CCL28: variants seen among roughly 807,000 people sequenced by gnomAD.
CCL28 encodes the protein C-C motif chemokine ligand 28, also known as C-C motif chemokine 28.
Under a neutral mutation model 7.1 loss-of-function variants are expected in CCL28, and 4 were observed. The observed-to-expected ratio is 0.56, with a 90% confidence interval of 0.28 to 1.29. The LOEUF is 1.29. CCL28 is among the 50% of genes most tolerant of loss of function. CCL28 has a pLI of 0.11. For synonymous variants in CCL28, 55 were observed against 57.8 expected, an observed-to-expected ratio of 0.95 and a Z score of 0.22; for missense variants, 151 against 163.4, an observed-to-expected ratio of 0.92 and a Z score of 0.41.
the CCL28 span, among the ~76,000 whole-genome samples, chr5:43,367,620 A>G: frequency 1.3e-5 from 2 of 151,834 alleles, no homozygotes; most frequent in Admixed American, 1.3e-4. Flanking sequence ...AAATGCAGAA[A>G]TCACCTGCCT....
the CCL28 span, among the ~76,000 whole-genome samples, chr5:43,364,569 A>C: frequency 6.6e-6 from 1 of 152,154 alleles, no homozygotes; most frequent in Non-Finnish European, 1.5e-5. Flanking sequence ...TATTAATCTC[A>C]AAATAATTTT....
chr5:43,374,780 CA>C (rs10540720), downstream of CCL28, among the ~76,000 whole-genome samples: 8,636 of 109,380 alleles, frequency 0.079, 228 homozygotes, highest in Middle Eastern at 0.17. Context: ...GACTCTGTCT[CA>C]AAAAAAAAAA....
At chr5:43,377,794 G>A (rs1210436005), downstream of CCL28, among the ~76,000 whole-genome samples, 14 of 127,394 alleles carry the variant, frequency 1.1e-4, no homozygotes, top group Non-Finnish European at 2.0e-4. Flanking sequence ...GTGCAGTGGC[G>A]CAATCTCGGC....
the CCL28 span, among the ~76,000 whole-genome samples, chr5:43,361,820 C>T: frequency 2.0e-5 from 3 of 149,586 alleles, no homozygotes; most frequent in Non-Finnish European, 4.4e-5. Context: ...GGCCTTATTT[C>T]TGGGCTCTCT....
intron 1 of CCL28, among the ~76,000 whole-genome samples, chr5:43,404,506 G>A (rs6865915): frequency 0.082 from 12,414 of 152,106 alleles, 901 homozygotes; most frequent in African/African-American, 0.19. Context: ...CTCCTGAAGG[G>A]AGCACTAAAC....
chr5:43,404,828 A>T (rs1269365363), intron 1 of CCL28, among the ~76,000 whole-genome samples: 1 of 152,200 alleles, frequency 6.6e-6, no homozygotes, highest in Non-Finnish European at 1.5e-5. Context: ...CTACCAAGCA[A>T]ATGGAAAACA....
chr5:43,366,808 A>G, the CCL28 span, among the ~76,000 whole-genome samples: 1 of 152,300 alleles, frequency 6.6e-6, no homozygotes, highest in Admixed American at 6.5e-5. Flanking sequence ...TAAGCCCCTG[A>G]CTACCGGCTG....
At chr5:43,378,103 G>GGCCAGAACTTAAACTTTGTAA (rs1561151689), downstream of CCL28, among the ~76,000 whole-genome samples, 2 of 132,332 alleles carry the variant, frequency 1.5e-5, no homozygotes, top group African/African-American at 7.8e-5. Context: ...AGCACTTTGG[G>GGCCAGAACTTAAACTTTGTAA]AGGGTGAGAT....
the CCL28 span, among the ~76,000 whole-genome samples, chr5:43,366,813 C>T: frequency 1.8e-4 from 27 of 152,316 alleles, no homozygotes; most frequent in East Asian, 2.3e-3. Flanking sequence ...CCCTGACTAC[C>T]GGCTGCTGCC....
At chr5:43,369,784 A>G in the CCL28 span, among the ~76,000 whole-genome samples, 1 of 152,276 alleles carries the variant, frequency 6.6e-6, no homozygotes, top group African/African-American at 2.4e-5. Context: ...ATGACCTCCA[A>G]TGAATCTTAC....
intron 2 of CCL28, chr5:43,388,080 G>C (rs970019683): frequency 6.3e-6 from 2 of 317,502 alleles, no homozygotes; most frequent in Admixed American, 9.5e-5. Flanking sequence ...AACACTTTTT[G>C]GTGACTGGGG....
intron 1 of CCL28, among the ~76,000 whole-genome samples, chr5:43,400,974 T>G (rs1741004006): frequency 6.6e-6 from 1 of 150,724 alleles, no homozygotes; most frequent in South Asian, 2.1e-4. Context: ...TCCCAGCTAC[T>G]CAGGAGGCTG....
At chr5:43,375,742 A>G (rs554806766), downstream of CCL28, among the ~76,000 whole-genome samples, 39 of 152,364 alleles carry the variant, frequency 2.6e-4, 1 homozygote, top group South Asian at 7.7e-3. Flanking sequence ...CTGTAATCCC[A>G]GCACTTTGGG....
chr5:43,384,551 T>C (rs1234141646), intron 2 of CCL28, among the ~76,000 whole-genome samples: 1 of 152,152 alleles, frequency 6.6e-6, no homozygotes, highest in Non-Finnish European at 1.5e-5. Context: ...CGCAATTCCA[T>C]AGTATTCTGA....
chr5:43,379,650 T>G lies in CCL28; in HGVS notation c.*2210A>C, dbSNP rs1412034132. The G allele has an allele frequency of 6.6e-6, 1 of 152,218 alleles. No homozygotes were observed. The highest frequency in any genetic ancestry group is 1.5e-5 in the Non-Finnish European group (1 of 68,046). The allele number at this position is 152,218 out of a possible 1,614,324, so 9.4% of individuals were successfully genotyped here. A position where few individuals can be genotyped will look rare whatever the true frequency, so the allele number is the denominator to read the frequency against. On this transcript the variant is annotated 3_prime_UTR_variant, in exon 3 of 3. Transcript: ENST00000361115. ...TCCCATTATCACCTCCAAGACATCC[T>G]GGCAACACCACCGCTTGGGACTAGC... is the stretch of plus-strand genomic sequence containing the variant.
At chr5:43,385,933 T>G (rs746899956) in intron 2 of CCL28, among the ~76,000 whole-genome samples, 31 of 152,244 alleles carry the variant, frequency 2.0e-4, no homozygotes, top group Non-Finnish European at 3.8e-4. Flanking sequence ...GAAACATCCC[T>G]GAAAATCCTG....
chr5:43,381,379 A>G lies in CCL28; in HGVS notation c.*481T>C, dbSNP rs964055545. The G allele has an allele frequency of 6.6e-6, 1 of 152,422 alleles. No individual in the cohort carries two copies. Among genetic ancestry groups the G allele is most frequent in the African/African-American group, 2.4e-5 (1 of 41,418 alleles). The allele number at this position is 152,422 out of a possible 1,614,324, so 9.4% of individuals were successfully genotyped here. On this transcript the variant is annotated 3_prime_UTR_variant, in exon 3 of 3. Transcript: ENST00000361115. ...ATATTATATGAAGATATACACTATC[A>G]TTATTATTATTATTTTTAGAGACAG...
intron 1 of CCL28, among the ~76,000 whole-genome samples, chr5:43,404,496 C>T (rs1741182482): frequency 6.6e-6 from 1 of 152,200 alleles, no homozygotes; most frequent in South Asian, 2.1e-4. Flanking sequence ...CTTACAAGAG[C>T]TCCTGAAGGG....
rs77078019 is a variant in CCL28 at position 43,393,940 on chromosome 5, A to G, written c.65-5464T>C. Among the ~76,000 whole-genome samples the G allele has an allele frequency of 5.0e-3, 755 of 152,322 alleles. 28 individuals carry two copies. The East Asian group carries it at 0.083, about 17-fold the overall frequency. ...GTTATTCTTTCTTCTGCTATGCTAT[A>G]TAAAATTCTGTTCCAATTTCATAGT... is the stretch of plus-strand genomic sequence containing the variant. On this transcript the variant is annotated intron_variant, in intron 1 of 2. Transcript: ENST00000361115.
Sources: allele counts gnomAD v4.1 joint callset (sites outside exome capture counted in the v4.1 genomes callset), GRCh38; gene constraint gnomAD v4.1.1; transcripts MANE v1.5; gene names NCBI Gene and HGNC (gene_info 2026-07-23, HGNC 2026-07-21).